STPG2: variants seen among roughly 807,000 people sequenced by gnomAD.
STPG2 encodes sperm tail PG-rich repeat containing 2.
STPG2 carries 56 observed loss-of-function variants against 54.2 expected under a neutral mutation model. The ratio of observed to expected loss-of-function variants is 1.03; its 90% CI spans 0.83 to 1.29. The LOEUF (loss-of-function observed/expected upper bound fraction) is 1.29. STPG2 is among the 50% of genes most tolerant of loss of function. The pLI is 0.00. For missense variants in STPG2, 596 were observed against 544.9 expected, an observed-to-expected ratio of 1.09 and a Z score of -0.93; for synonymous variants, 200 against 181.8, an observed-to-expected ratio of 1.10 and a Z score of -0.81.
chr4:98,128,171 A>C (rs902529401), intron 3 of STPG2, among the ~76,000 whole-genome samples: 3 of 152,184 alleles, frequency 2.0e-5, no homozygotes, highest in Non-Finnish European at 4.4e-5. Flanking sequence ...CAGAAGCACA[A>C]CTGGAATAAT....
At chr4:98,025,545 G>A (rs9995209) in intron 5 of STPG2, 261,396 of 702,000 alleles carry the variant, frequency 0.37, 50,646 homozygotes, top group Middle Eastern at 0.44. Flanking sequence ...ATGATAGTTC[G>A]TGTAACAAAC....
At chr4:97,752,192 T>C (rs1298573663) in intron 9 of STPG2, among the ~76,000 whole-genome samples, 1 of 151,768 alleles carries the variant, frequency 6.6e-6, no homozygotes, top group African/African-American at 2.4e-5. Flanking sequence ...TTAATGGGAC[T>C]CCTCTATAGA....
intron 7 of STPG2, among the ~76,000 whole-genome samples, chr4:97,966,728 GA>G (rs1367140061): frequency 1.3e-5 from 2 of 151,984 alleles, no homozygotes; most frequent in Admixed American, 6.6e-5. Flanking sequence ...TCAATATTCT[GA>G]AAAAGGATTT....
intron 10 of STPG2, among the ~76,000 whole-genome samples, chr4:97,678,440 G>A (rs1202089476): frequency 6.6e-6 from 1 of 151,928 alleles, no homozygotes; most frequent in Admixed American, 6.6e-5. Context: ...ATATTCAAAT[G>A]TCTTCTTTTT....
chr4:97,713,202 C>T (rs1724186605), intron 9 of STPG2, among the ~76,000 whole-genome samples: 1 of 152,122 alleles, frequency 6.6e-6, no homozygotes, highest in African/African-American at 2.4e-5. Flanking sequence ...CAGAAAGGTG[C>T]TTTAATAGCA....
In STPG2 at chr4:97,942,139, G is replaced by GTA. The variant is rs148243599; in HGVS notation, c.1044+1756_1044+1757dup. Among the ~76,000 whole-genome samples the GTA allele has an allele frequency of 1.6e-3, 239 of 147,704 alleles. 2 individuals carry two copies. Among genetic ancestry groups the GTA allele is most frequent in the East Asian group, 9.3e-3 (47 of 5,066 alleles). On this transcript the variant is annotated intron_variant, in intron 8 of 10. Coordinates refer to ENST00000295268, the MANE Select transcript of STPG2 (RefSeq NM_174952.3). ...ATACGTTTTAAATATATATATGTGT[G>GTA]TATATATATATATATTTAAAACGTA...
intron 10 of STPG2, among the ~76,000 whole-genome samples, chr4:97,674,924 A>G (rs1361947065): frequency 6.6e-6 from 1 of 152,174 alleles, no homozygotes; most frequent in African/African-American, 2.4e-5. Context: ...CCTCTTACTA[A>G]CTGTTATTAC....
intron 5 of STPG2, among the ~76,000 whole-genome samples, chr4:98,088,204 G>T (rs762489137): frequency 1.3e-5 from 2 of 152,194 alleles, no homozygotes; most frequent in African/African-American, 4.8e-5. Flanking sequence ...AACTGTGAAA[G>T]AAGAAGTTGG....
chr4:97,509,871 GA>G (rs1315929145), intron 4 of STPG2, among the ~76,000 whole-genome samples: 1 of 151,928 alleles, frequency 6.6e-6, no homozygotes, highest in Non-Finnish European at 1.5e-5. Context: ...AAAAATTTAA[GA>G]ACATTGAAAC....
intron 5 of STPG2, among the ~76,000 whole-genome samples, chr4:98,013,472 G>A (rs1350006207): frequency 6.6e-6 from 1 of 151,968 alleles, no homozygotes; most frequent in African/African-American, 2.4e-5. Context: ...AAACAAGTTA[G>A]GGAGGAGTCC....
chr4:97,660,184 A>T lies in STPG2; in HGVS notation c.1320+52515T>A, dbSNP rs1164484529. On this transcript the variant is annotated intron_variant, in intron 10 of 10. Coordinates refer to ENST00000295268, the MANE Select transcript of STPG2 (RefSeq NM_174952.3). Reference sequence around the variant, plus strand: ...AGCCCAGCTAATTTTTTGTATTTTTAGTAGAGATAGGGTTTCACCGTATTA... The same window carrying T: ...AGCCCAGCTAATTTTTTGTATTTTTTGTAGAGATAGGGTTTCACCGTATTA... Among the ~76,000 whole-genome samples, 4 of 152,098 alleles carry T rather than the reference A, an allele frequency of 2.6e-5. No individual in the cohort carries two copies. The East Asian group carries it at 7.7e-4, about 29-fold the overall frequency.
At chr4:98,105,827 CA>C in intron 5 of STPG2, 125 bp downstream of exon 5, 1 of 808,234 alleles carries the variant, frequency 1.2e-6, no homozygotes, top group Non-Finnish European at 1.8e-6. Flanking sequence ...CTTCCTTCTA[CA>C]ATATTCATTG....
chr4:97,895,359 T>C (rs114325235), intron 8 of STPG2, among the ~76,000 whole-genome samples: 11 of 151,874 alleles, frequency 7.2e-5, no homozygotes, highest in Non-Finnish European at 1.5e-4. Flanking sequence ...TCAAGAGATA[T>C]AGTCTAATTT....
chr4:97,702,215 A>G (rs1192574584), intron 10 of STPG2, among the ~76,000 whole-genome samples: 2 of 152,168 alleles, frequency 1.3e-5, no homozygotes, highest in African/African-American at 4.8e-5. Context: ...AACCATGCAA[A>G]TAAGCTATTA....
intron 9 of STPG2, among the ~76,000 whole-genome samples, chr4:97,771,737 G>A (rs114134811): frequency 1.9e-3 from 295 of 152,324 alleles, no homozygotes; most frequent in African/African-American, 7.0e-3. Context: ...TAGACAAATG[G>A]GCATGCAGAG....
At chr4:97,678,251 T>A (rs1268695644) in intron 10 of STPG2, among the ~76,000 whole-genome samples, 2 of 152,076 alleles carry the variant, frequency 1.3e-5, no homozygotes, top group Non-Finnish European at 2.9e-5. Context: ...AGGCCAGTAA[T>A]GAGCACACAT....
intron 9 of STPG2, among the ~76,000 whole-genome samples, chr4:97,740,918 G>C (rs4550928): frequency 0.84 from 127,585 of 152,040 alleles, 53,699 homozygotes; most frequent in Middle Eastern, 0.95. Context: ...CAATCTTAAG[G>C]CAAAAGAACA....
At chr4:97,660,095 C>T (rs1367861343) in intron 10 of STPG2, among the ~76,000 whole-genome samples, 1 of 151,976 alleles carries the variant, frequency 6.6e-6, no homozygotes, top group Non-Finnish European at 1.5e-5. Flanking sequence ...CTCCGCCTCC[C>T]GGGTTCACAC....
At chr4:97,808,265 G>A (rs1218933496) in intron 9 of STPG2, among the ~76,000 whole-genome samples, 1 of 151,818 alleles carries the variant, frequency 6.6e-6, no homozygotes, top group African/African-American at 2.4e-5. Flanking sequence ...CAATACTAAT[G>A]TTCTTGGTTC....
Sources: allele counts gnomAD v4.1 joint callset (sites outside exome capture counted in the v4.1 genomes callset), GRCh38; gene constraint gnomAD v4.1.1; transcripts MANE v1.5; gene names NCBI Gene and HGNC (gene_info 2026-07-23, HGNC 2026-07-21).